The following KLHL32 variants were observed in gnomAD, a reference collection of about 807,000 sequenced individuals.
KLHL32 encodes the protein kelch like family member 32.
A neutral mutation model predicts 64.8 loss-of-function variants in KLHL32; 35 were observed. The ratio of observed to expected loss-of-function variants is 0.54; its 90% CI spans 0.41 to 0.72. The LOEUF is 0.72. Among genes scored for constraint, KLHL32 ranks in the 30% least tolerant of loss-of-function variants. KLHL32 has a pLI of 0.00. For synonymous variants in KLHL32, 259 were observed against 281.0 expected (o/e 0.92, Z 0.78); for missense variants, 589 against 768.5 (o/e 0.77, Z 2.76).
At chr6:97,137,333 G>A (rs1486128956) in intron 10 of KLHL32, among the ~76,000 whole-genome samples, 2 of 152,128 alleles carry the variant, frequency 1.3e-5, no homozygotes, top group Non-Finnish European at 2.9e-5. Flanking sequence ...CAGAGAAAAC[G>A]TTTGTATTTA....
intron 3 of KLHL32, among the ~76,000 whole-genome samples, chr6:97,026,886 G>A (rs1384497850): frequency 6.6e-6 from 1 of 152,074 alleles, no homozygotes; most frequent in Admixed American, 6.6e-5. Context: ...TAACAGGGCT[G>A]GGCGTAGTGG....
chr6:96,923,642 T>C (rs1233811496), upstream of KLHL32, among the ~76,000 whole-genome samples: 1 of 152,142 alleles, frequency 6.6e-6, no homozygotes, highest in Non-Finnish European at 1.5e-5. Flanking sequence ...AATGAGAACA[T>C]TAAGGACACC....
the KLHL32 span, among the ~76,000 whole-genome samples, chr6:96,916,170 T>C: frequency 6.6e-6 from 1 of 152,128 alleles, no homozygotes; most frequent in Non-Finnish European, 1.5e-5. Context: ...AACAGCTGGA[T>C]TGGTTACAGG....
intron 5 of KLHL32, among the ~76,000 whole-genome samples, chr6:97,065,819 G>T (rs1350539013): frequency 6.6e-6 from 1 of 152,038 alleles, no homozygotes; most frequent in Non-Finnish European, 1.5e-5. Flanking sequence ...TTCTCATCTA[G>T]CATCTTATTT....
chr6:97,009,490 A>G (rs1780096727), intron 3 of KLHL32, among the ~76,000 whole-genome samples: 1 of 152,204 alleles, frequency 6.6e-6, no homozygotes, highest in African/African-American at 2.4e-5. Context: ...AATTTGCAAT[A>G]GAGCACTTGT....
intron 4 of KLHL32, among the ~76,000 whole-genome samples, chr6:97,044,830 TTGTA>T (rs537492655): frequency 4.5e-4 from 69 of 152,172 alleles, no homozygotes; most frequent in Admixed American, 7.2e-4. Context: ...TTATGGTCCT[TTGTA>T]TGTCTATGAT....
chr6:97,091,593 CA>C (rs1794246414), intron 6 of KLHL32, among the ~76,000 whole-genome samples: 1 of 152,134 alleles, frequency 6.6e-6, no homozygotes, highest in South Asian at 2.1e-4. Context: ...TGACCTGTGC[CA>C]AATAGCATAA....
At chr6:96,904,008 T>C in the KLHL32 span, among the ~76,000 whole-genome samples, 1 of 152,070 alleles carries the variant, frequency 6.6e-6, no homozygotes, top group South Asian at 2.1e-4. Flanking sequence ...TTTAATAAGG[T>C]AGCTGAATAG....
chr6:97,093,355 G>T (rs1794532629), intron 6 of KLHL32, among the ~76,000 whole-genome samples: 1 of 152,134 alleles, frequency 6.6e-6, no homozygotes, highest in Non-Finnish European at 1.5e-5. Context: ...CCCTTGTTAA[G>T]GTTGATAAGG....
At position 96,924,801 on chromosome 6, in the gene KLHL32, GCACACACA is replaced by G. The variant is rs57457444; in HGVS notation, c.-263_-256del. On this transcript the variant is annotated 5_prime_UTR_variant, in exon 1 of 11. Transcript: ENST00000369261. ...CAGTCGCGCGCACACACGCACGCAG[GCACACACA>G]CACACACACACACACACACACACAC... 0.043 allele frequency: 6,456 copies of G among 148,976 alleles called. 365 individuals carry two copies. The highest frequency in any genetic ancestry group is 0.14 in the African/African-American group (5,535 of 40,540). 9.2% of individuals were successfully genotyped at this position (148,976 alleles called of 1,614,324 possible). A position where few individuals can be genotyped will look rare whatever the true frequency, so the allele number is the denominator to read the frequency against.
At chr6:97,085,431 A>G in intron 6 of KLHL32, 90 bp downstream of exon 6, 1 of 1,130,186 alleles carries the variant, frequency 8.8e-7, no homozygotes, top group South Asian at 1.3e-5. Context: ...CCACTATTTT[A>G]GTGGCTTTGG....
chr6:97,035,409 A>G (rs1229292225), intron 3 of KLHL32, among the ~76,000 whole-genome samples: 2 of 152,030 alleles, frequency 1.3e-5, no homozygotes, highest in South Asian at 2.1e-4. Context: ...TTGTCTGTAT[A>G]TTTAATTTTG....
intron 4 of KLHL32, among the ~76,000 whole-genome samples, chr6:97,048,482 G>T (rs912414426): frequency 6.6e-6 from 1 of 152,140 alleles, no homozygotes; most frequent in African/African-American, 2.4e-5. Context: ...TGGCAATCAA[G>T]AAAACTATCA....
intron 4 of KLHL32, among the ~76,000 whole-genome samples, chr6:97,061,332 C>T (rs1788856561): frequency 6.6e-6 from 1 of 152,070 alleles, no homozygotes; most frequent in South Asian, 2.1e-4. Flanking sequence ...TTCCTTTCCC[C>T]CCACTTCCCC....
chr6:96,921,051 T>G (rs1768738693), upstream of KLHL32, among the ~76,000 whole-genome samples: 1 of 152,238 alleles, frequency 6.6e-6, no homozygotes, highest in Non-Finnish European at 1.5e-5. Flanking sequence ...CACTAGGTAT[T>G]GTAATCTTTT....
intron 3 of KLHL32, among the ~76,000 whole-genome samples, chr6:97,016,683 G>C (rs775840870): frequency 7.9e-5 from 12 of 152,164 alleles, no homozygotes; most frequent in Admixed American, 3.3e-4. Flanking sequence ...ATTGTGTTTT[G>C]AAGTGTGAGG....
chr6:97,004,555 C>T (rs757890446), intron 3 of KLHL32, among the ~76,000 whole-genome samples: 2 of 151,978 alleles, frequency 1.3e-5, no homozygotes, highest in East Asian at 1.9e-4. Context: ...GTCTTGTTCC[C>T]GTTCTCAAGG....
chr6:97,079,381 G>T (rs1239790212), intron 5 of KLHL32, among the ~76,000 whole-genome samples: 1 of 152,088 alleles, frequency 6.6e-6, no homozygotes, highest in Non-Finnish European at 1.5e-5. Context: ...TCCTCAAACT[G>T]CCCTCCTTCC....
chr6:97,133,948 T>C (rs912623493), intron 10 of KLHL32, among the ~76,000 whole-genome samples: 2 of 152,048 alleles, frequency 1.3e-5, no homozygotes, highest in Non-Finnish European at 1.5e-5. Context: ...TTAAAAAAAT[T>C]AAGTATTGTT....
Sources: allele counts gnomAD v4.1 joint callset (sites outside exome capture counted in the v4.1 genomes callset), GRCh38; gene constraint gnomAD v4.1.1; transcripts MANE v1.5; gene names NCBI Gene and HGNC (gene_info 2026-07-23, HGNC 2026-07-21).